Variants in SETD2 observed in about 807,000 individuals in gnomAD.
SETD2 encodes SET domain containing 2, histone lysine methyltransferase.
SETD2 carries 31 observed loss-of-function variants against 242.1 expected under a neutral mutation model. The ratio of observed to expected loss-of-function variants is 0.13; its 90% CI spans 0.10 to 0.17. The LOEUF is 0.17. Ranked by LOEUF, SETD2 falls within the 10% of genes least tolerant of loss-of-function variation. SETD2 has a pLI of 1.00. For synonymous variants in SETD2, 1,006 were observed against 1,066.5 expected (o/e 0.94, Z 1.11); for missense variants, 2,481 against 3,046.3 (o/e 0.81, Z 4.37).
intron 18 of SETD2, among the ~76,000 whole-genome samples, chr3:47,025,094 T>C (rs2038413422): frequency 6.6e-6 from 1 of 152,210 alleles, no homozygotes; most frequent in South Asian, 2.1e-4. Context: ...AATTTACTGA[T>C]GACTCAAACC....
chr3:47,164,697 C>G (rs1247822561), upstream of SETD2: 1 of 152,358 alleles, frequency 6.6e-6, no homozygotes, highest in African/African-American at 2.4e-5. The surrounding 1 kb of genome is among the most constrained non-coding windows in gnomAD (Gnocchi z 5.4). Context: ...CATCTCGACC[C>G]TTTAGCAAGC....
chr3:47,070,935 T>A (rs1463433704), intron 12 of SETD2, among the ~76,000 whole-genome samples: 2 of 152,130 alleles, frequency 1.3e-5, no homozygotes, highest in Admixed American at 6.6e-5. Context: ...GGGGTCTTGC[T>A]CTGTTGCCCA....
At chr3:47,101,628 G>GTT in intron 7 of SETD2, 73 bp from the exon 8 acceptor site, 1 of 836,506 alleles carries the variant, frequency 1.2e-6, no homozygotes, top group Non-Finnish European at 2.0e-6. Context: ...GTGTGTGTGT[G>GTT]TGTGTGCGCA....
intron 8 of SETD2, among the ~76,000 whole-genome samples, chr3:47,099,361 T>C (rs2042121392): frequency 6.6e-6 from 1 of 152,238 alleles, no homozygotes; most frequent in African/African-American, 2.4e-5. Context: ...TAGGGTTTTG[T>C]ATCTTACTTA....
chr3:47,153,455 T>A (rs1489059817), intron 1 of SETD2, among the ~76,000 whole-genome samples: 1 of 152,120 alleles, frequency 6.6e-6, no homozygotes, highest in Non-Finnish European at 1.5e-5. Context: ...TTCAAGAGAC[T>A]CCCCACTTAA....
intron 14 of SETD2, among the ~76,000 whole-genome samples, 166 bp downstream of exon 14, chr3:47,061,997 G>A (rs564290012): frequency 6.6e-6 from 1 of 152,200 alleles, no homozygotes; most frequent in African/African-American, 2.4e-5. Context: ...ACTGTCAACA[G>A]AGAATCTGTC....
chr3:47,135,850 C>A (rs571831250), intron 1 of SETD2, among the ~76,000 whole-genome samples: 1 of 152,074 alleles, frequency 6.6e-6, no homozygotes, highest in South Asian at 2.1e-4. Flanking sequence ...TATCATCAGT[C>A]TCTCTCTCTT....
intron 4 of SETD2, among the ~76,000 whole-genome samples, chr3:47,116,131 T>C (rs879592260): frequency 2.7e-5 from 4 of 150,260 alleles, no homozygotes; most frequent in Admixed American, 1.3e-4. Flanking sequence ...AGCAAGTATA[T>C]AGAATAAGAT....
Position 47,126,652 on chromosome 3 carries a change from T to C in SETD2, c.83A>G (p.Asn28Ser). Residue 28 changes from asparagine (N) to serine (S), a missense_variant, in exon 2 of 21, where the codon AAT becomes AGT. By Grantham distance (46) the Asn-to-Ser change is conservative. Around this residue, in one of 17 missense-constraint regions of SETD2, gnomAD observed 334 missense variants for 374.5 expected, o/e 0.89. Coordinates refer to ENST00000409792, the MANE Select transcript of SETD2 (RefSeq NM_014159.7). ...GACTAGTTAAATTATACTTACCTCATTTTCTTCTTCTCTATTTCCATTCAG... is the reference window on the plus strand; with the variant it reads ...GACTAGTTAAATTATACTTACCTCACTTTCTTCTTCTCTATTTCCATTCAG... ...PEHPTPEEEE[N>S]EAKIENVQKT... 7.4e-7 allele frequency: 1 copy of C among 1,345,120 alleles called. No individual in the cohort carries two copies. The highest frequency in any genetic ancestry group is 1.0e-6 in the Non-Finnish European group (1 of 963,560). 83.3% of individuals were successfully genotyped at this position (1,345,120 alleles called of 1,614,324 possible). A position where few individuals can be genotyped will look rare whatever the true frequency, so the allele number is the denominator to read the frequency against.
chr3:47,087,513 G>GCTCA (rs1204286848), intron 10 of SETD2, among the ~76,000 whole-genome samples: 2 of 152,132 alleles, frequency 1.3e-5, no homozygotes, highest in Non-Finnish European at 2.9e-5. Context: ...AGGCAGTAAT[G>GCTCA]CTCACTCACC....
chr3:47,120,787 T>A lies in SETD2; in HGVS notation c.3849A>T (p.Gly1283=). ...QPDSSYGACG[G]HKYQQNAEQY... ...GTTCTGCATTTTGCTGATACTTGTG[T>A]CCACCACAAGCTCCATAGCTACTGT... is the stretch of plus-strand genomic sequence containing the variant. Residue 1283 remains glycine (G), a synonymous_variant, in exon 3 of 21, where the codon GGA becomes GGT. Coordinates refer to ENST00000409792, the MANE Select transcript of SETD2 (RefSeq NM_014159.7). 6.2e-7 allele frequency: 1 copy of A among 1,614,222 alleles called. No homozygotes were observed. The highest frequency in any genetic ancestry group is 8.5e-7 in the Non-Finnish European group (1 of 1,180,034).
chr3:47,061,473 T>C (rs1460991853), intron 14 of SETD2, among the ~76,000 whole-genome samples: 1 of 152,138 alleles, frequency 6.6e-6, no homozygotes. Flanking sequence ...TTTCAATAAA[T>C]GGTGCTGAGA....
chr3:47,098,325 C>T (rs934890493), intron 8 of SETD2: 4 of 302,794 alleles, frequency 1.3e-5, no homozygotes, highest in African/African-American at 6.5e-5. Context: ...ATAAACAATT[C>T]TTCCATTTTA....
Position 47,123,651 on chromosome 3 carries a change from G to A in SETD2, c.985C>T (p.Arg329Trp), listed in dbSNP as rs372869995. 80 of 1,550,316 alleles carry A rather than the reference G, an allele frequency of 5.2e-5. No individual in the cohort carries two copies. Among genetic ancestry groups the A allele is most frequent in the African/African-American group, 1.2e-4 (9 of 72,868 alleles). The change falls in exon 3 of 21, where the codon CGG (arginine) becomes TGG (tryptophan). Residue 329 changes from arginine (R) to tryptophan (W), a missense_variant. This residue lies in a region of SETD2 where 38 missense variants were observed against 61.0 expected (regional missense o/e 0.62). Coordinates refer to ENST00000409792, the MANE Select transcript of SETD2 (RefSeq NM_014159.7). ...LGSESDEDSV[R>W]TSSSQRSHDL... ...TGTGATCTTTGACTTGAAGAAGTCC[G>A]TACAGAATCTTCATCAGATTCTGAA...
intron 1 of SETD2, among the ~76,000 whole-genome samples, chr3:47,129,189 A>G (rs961964543): frequency 6.6e-6 from 1 of 152,208 alleles, no homozygotes; most frequent in South Asian, 2.1e-4. Context: ...TTAAAAAAGA[A>G]AAGAAAAGAA....
At chr3:47,148,546 A>G (rs1016551317) in intron 1 of SETD2, among the ~76,000 whole-genome samples, 4 of 152,184 alleles carry the variant, frequency 2.6e-5, no homozygotes, top group African/African-American at 9.6e-5. Flanking sequence ...GTATTCTCCA[A>G]TTTTTTATAC....
chr3:47,133,447 C>T (rs2106767629), intron 1 of SETD2, among the ~76,000 whole-genome samples: 1 of 152,178 alleles, frequency 6.6e-6, no homozygotes, highest in South Asian at 2.1e-4. Context: ...CAGAATCCCC[C>T]CCAACCCTTA....
chr3:47,069,873 C>T (rs1304566002), intron 12 of SETD2, among the ~76,000 whole-genome samples: 2 of 152,098 alleles, frequency 1.3e-5, no homozygotes, highest in African/African-American at 2.4e-5. Flanking sequence ...GTAAGAACGC[C>T]ATTTATTACC....
At chr3:47,125,786 T>C (rs2043307706) in intron 2 of SETD2, among the ~76,000 whole-genome samples, 1 of 152,214 alleles carries the variant, frequency 6.6e-6, no homozygotes, top group Admixed American at 6.5e-5. Flanking sequence ...AGGCATAACG[T>C]AGGTTGTACA....
Sources: gnomAD v4.1 joint callset for allele counts (sites outside exome capture counted in the v4.1 genomes callset) on GRCh38, gnomAD v4.1.1 for gene constraint, gnomAD v4.1.1 regional missense constraint, Gnocchi (gnomAD v3.1) non-coding constraint, MANE v1.5 for transcripts, NCBI Gene and HGNC (gene_info 2026-07-23, HGNC 2026-07-21) for gene names.